The following P3H2 variants were observed in gnomAD, a reference collection of about 807,000 sequenced individuals.
P3H2 encodes the protein leprecan-like 1.
In P3H2, 80 loss-of-function variants were observed where a neutral mutation model predicts 87.0. The observed-to-expected ratio is 0.92, with a 90% CI of 0.77 to 1.11. The LOEUF is 1.11. Among genes scored for constraint, P3H2 ranks in the 50% least tolerant of loss-of-function variants. The pLI, the probability that P3H2 is intolerant of heterozygous loss-of-function variation, is 0.00. For synonymous variants in P3H2, 367 were observed against 359.3 expected, an observed-to-expected ratio of 1.02 and a Z score of -0.24; for missense variants, 1,001 against 923.9, an observed-to-expected ratio of 1.08 and a Z score of -1.08.
intron 1 of P3H2, among the ~76,000 whole-genome samples, chr3:190,061,787 G>T (rs1726339915): frequency 6.6e-6 from 1 of 151,878 alleles, no homozygotes; most frequent in South Asian, 2.1e-4. Context: ...ATGATGAAAT[G>T]GAAAGAACAG....
intron 1 of P3H2, among the ~76,000 whole-genome samples, chr3:190,050,294 C>G (rs1442888158): frequency 1.3e-5 from 2 of 152,132 alleles, no homozygotes; most frequent in African/African-American, 2.4e-5. Flanking sequence ...AATGCAATTC[C>G]TTTTTCCTGC....
At chr3:190,096,668 G>A (rs1349220974) in intron 1 of P3H2, among the ~76,000 whole-genome samples, 2 of 152,212 alleles carry the variant, frequency 1.3e-5, no homozygotes, top group Admixed American at 1.3e-4. Context: ...TCATGCAATT[G>A]TGTTAGCATC....
chr3:190,053,450 GTT>G (rs1282152069), intron 1 of P3H2, among the ~76,000 whole-genome samples: 10 of 128,912 alleles, frequency 7.8e-5, no homozygotes, highest in Non-Finnish European at 1.3e-4. Context: ...AAATAAAGTG[GTT>G]TTTTTTTTTT....
At chr3:189,980,372 G>A (rs1421480297) in intron 8 of P3H2, among the ~76,000 whole-genome samples, 3 of 152,102 alleles carry the variant, frequency 2.0e-5, no homozygotes, top group Non-Finnish European at 2.9e-5. Flanking sequence ...AGGCCAGCCT[G>A]GCCAATATGG....
At chr3:190,016,006 A>G (rs1208245426) in intron 1 of P3H2, among the ~76,000 whole-genome samples, 1 of 152,132 alleles carries the variant, frequency 6.6e-6, no homozygotes, top group African/African-American at 2.4e-5. Flanking sequence ...TATTTCCCGT[A>G]AAGTTCAGGC....
At chr3:190,039,454 T>A (rs1411090652) in intron 1 of P3H2, among the ~76,000 whole-genome samples, 4 of 152,210 alleles carry the variant, frequency 2.6e-5, no homozygotes, top group Non-Finnish European at 5.9e-5. Flanking sequence ...TGTGTTATCT[T>A]CACAGATGAG....
At chr3:190,089,284 G>A (rs1727333522) in intron 1 of P3H2, among the ~76,000 whole-genome samples, 1 of 152,052 alleles carries the variant, frequency 6.6e-6, no homozygotes, top group African/African-American at 2.4e-5. Flanking sequence ...CGAGTTAATG[G>A]GTGCAGCACA....
intron 1 of P3H2, among the ~76,000 whole-genome samples, chr3:190,024,530 CAAAAAAAAAAA>C (rs71635314): frequency 7.6e-5 from 4 of 52,954 alleles, no homozygotes; most frequent in East Asian, 6.2e-4. Context: ...GGTTCCCTCT[CAAAAAAAAAAA>C]AAAAAAAAAA....
chr3:190,068,741 G>T (rs1726597073), intron 1 of P3H2, among the ~76,000 whole-genome samples: 2 of 151,946 alleles, frequency 1.3e-5, no homozygotes, highest in South Asian at 4.2e-4. Flanking sequence ...ACTTAAAAGA[G>T]TTACCGATTT....
rs527436535 is a variant in P3H2 at position 190,039,130 on chromosome 3, G to A, written c.481-43688C>T. On this transcript the variant is annotated intron_variant, in intron 1 of 14. Coordinates refer to ENST00000319332, the MANE Select transcript of P3H2 (RefSeq NM_018192.4). Reference sequence around the variant, plus strand: ...CTTGAACCCAGGAGGCAGAGGTTGCGGTGAGCCGAGATCACACCATTGCAC... The same window carrying A: ...CTTGAACCCAGGAGGCAGAGGTTGCAGTGAGCCGAGATCACACCATTGCAC... Among the ~76,000 whole-genome samples the A allele has an allele frequency of 2.7e-4, 41 of 151,592 alleles. No individual in the cohort carries two copies. The South Asian group carries it at 6.7e-3, about 25-fold the overall frequency.
chr3:190,081,600 C>G (rs1334866119), intron 1 of P3H2, among the ~76,000 whole-genome samples: 1 of 152,034 alleles, frequency 6.6e-6, no homozygotes, highest in Non-Finnish European at 1.5e-5. Context: ...GCCTGAGAGA[C>G]AAAGTGACTA....
At chr3:189,988,828 A>G in intron 4 of P3H2, 79 bp downstream of exon 4, 1 of 1,543,396 alleles carries the variant, frequency 6.5e-7, no homozygotes, top group African/African-American at 1.4e-5. Context: ...AAGTCAGAAA[A>G]CTCAATTACA....
chr3:190,017,731 T>G (rs1303417691), intron 1 of P3H2, among the ~76,000 whole-genome samples: 6 of 151,532 alleles, frequency 4.0e-5, no homozygotes, highest in Non-Finnish European at 8.8e-5. Flanking sequence ...AAACACTTTG[T>G]TTGTGGATTC....
rs577006165 is a variant in P3H2, at chr3:190,017,654, T to C, written c.481-22212A>G. 3.9e-5 allele frequency among the ~76,000 whole-genome samples: 6 copies of C among 152,338 alleles called. No homozygotes were observed. In the East Asian group the frequency reaches 9.6e-4, roughly 24 times the overall value. On this transcript the variant is annotated intron_variant, in intron 1 of 14. Transcript: ENST00000319332. ...CACACCCCTAAGCCACAATGTATTA[T>C]GCATGTGCCGAGTTGCTGAGTATGG... is the stretch of plus-strand genomic sequence containing the variant.
chr3:189,962,993 C>T lies in P3H2; in HGVS notation c.2034+965G>A, dbSNP rs114199687. On this transcript the variant is annotated intron_variant, in intron 14 of 14. Coordinates refer to ENST00000319332, the MANE Select transcript of P3H2 (RefSeq NM_018192.4). ...TACGATGTTTTAGATTCCATTTCAG[C>T]GTTCCATGCTAAGCAGTTGCCTGGG... Among the ~76,000 whole-genome samples, 461 of 152,316 alleles carry T rather than the reference C, an allele frequency of 3.0e-3. 2 individuals are homozygous for T. The highest frequency in any genetic ancestry group is 0.018 in the South Asian group (86 of 4,824).
At chr3:190,089,342 C>T (rs1727336889) in intron 1 of P3H2, among the ~76,000 whole-genome samples, 1 of 152,166 alleles carries the variant, frequency 6.6e-6, no homozygotes, top group Non-Finnish European at 1.5e-5. Flanking sequence ...ACGTTGTGCA[C>T]ATGTACGCTA....
At chr3:190,068,638 C>G (rs1343484469) in intron 1 of P3H2, among the ~76,000 whole-genome samples, 1 of 152,098 alleles carries the variant, frequency 6.6e-6, no homozygotes, top group East Asian at 1.9e-4. Context: ...AAAACTACTG[C>G]TTGCTCAGTT....
At chr3:190,025,046 G>A (rs1440935004) in intron 1 of P3H2, among the ~76,000 whole-genome samples, 3 of 152,130 alleles carry the variant, frequency 2.0e-5, no homozygotes, top group Non-Finnish European at 4.4e-5. Flanking sequence ...GCACTCTGTC[G>A]AGTCCTTGAT....
At chr3:190,119,348 C>T (rs1029458836) in intron 1 of P3H2, among the ~76,000 whole-genome samples, 1 of 151,926 alleles carries the variant, frequency 6.6e-6, no homozygotes, top group African/African-American at 2.4e-5. Context: ...ACACAGAAAA[C>T]GAGAAAGAAG....
Sources: allele counts gnomAD v4.1 joint callset (sites outside exome capture counted in the v4.1 genomes callset), GRCh38; gene constraint gnomAD v4.1.1; transcripts MANE v1.5; gene names NCBI Gene and HGNC (gene_info 2026-07-23, HGNC 2026-07-21).